Variants in ZNF880 observed in about 807,000 individuals in gnomAD.
ZNF880 encodes the protein zinc finger protein LOC400713.
In ZNF880, 12 loss-of-function variants were observed where a neutral mutation model predicts 11.8. That is an observed-to-expected ratio of 1.02 (90% CI 0.65 to 1.65). The LOEUF (loss-of-function observed/expected upper bound fraction) is 1.65. Among genes scored for constraint, ZNF880 ranks in the 40% most tolerant of loss-of-function variants. ZNF880 has a pLI of 0.00. For synonymous variants in ZNF880, 210 were observed against 232.4 expected (o/e 0.90, Z 0.88); for missense variants, 601 against 673.9 (o/e 0.89, Z 1.20).
chr19:52,368,508 G>T (rs1437817489), upstream of ZNF880, among the ~76,000 whole-genome samples: 1 of 151,902 alleles, frequency 6.6e-6, no homozygotes, highest in South Asian at 2.1e-4. Flanking sequence ...ATATAATGAG[G>T]CTCTGTGGGG....
intron 1 of ZNF880, among the ~76,000 whole-genome samples, chr19:52,371,641 G>T (rs1986375091): frequency 6.6e-6 from 1 of 152,094 alleles, no homozygotes; most frequent in South Asian, 2.1e-4. Context: ...CTCCCAAAGT[G>T]CTGGGATTGC....
chr19:52,389,971 C>CA (rs779341744), downstream of ZNF880: 11 of 152,366 alleles, frequency 7.2e-5, no homozygotes, highest in Admixed American at 7.2e-4. Context: ...TTACCCAGTT[C>CA]AAAATTTGCT....
At chr19:52,369,535 T>C (rs530169542), upstream of ZNF880, among the ~76,000 whole-genome samples, 38 of 151,998 alleles carry the variant, frequency 2.5e-4, no homozygotes, top group Admixed American at 2.2e-3. Flanking sequence ...TTCCAATTTG[T>C]TATTTATGAT....
At chr19:52,393,839 T>TG in the ZNF880 span, among the ~76,000 whole-genome samples, 1 of 133,954 alleles carries the variant, frequency 7.5e-6, no homozygotes, top group Non-Finnish European at 1.6e-5. Flanking sequence ...CCCCCCCTTT[T>TG]TTTTTTTTTT....
chr19:52,389,359 T>C (rs1986982149), downstream of ZNF880: 1 of 152,182 alleles, frequency 6.6e-6, no homozygotes, highest in African/African-American at 2.4e-5. Context: ...GCACAGGTAT[T>C]GGATAAATAA....
At chr19:52,377,962 AGGGATTTTTTATGGAG>A (rs1417616053) in intron 3 of ZNF880, among the ~76,000 whole-genome samples, 1 of 152,128 alleles carries the variant, frequency 6.6e-6, no homozygotes, top group Non-Finnish European at 1.5e-5. Context: ...CTTCTAGTTC[AGGGATTTTTTATGGAG>A]GCTTCATCAC....
chr19:52,383,517 A>G (rs938820890), intron 3 of ZNF880, among the ~76,000 whole-genome samples: 5 of 152,138 alleles, frequency 3.3e-5, no homozygotes, highest in Non-Finnish European at 7.3e-5. Flanking sequence ...TGGAAGTACT[A>G]TTACTAATGA....
intron 3 of ZNF880, chr19:52,379,923 G>C (rs1176067825): frequency 6.6e-6 from 1 of 151,862 alleles, no homozygotes; most frequent in African/African-American, 2.4e-5. Context: ...TTTCGAGACA[G>C]GGTTTCACTC....
chr19:52,395,986 C>T, the ZNF880 span, among the ~76,000 whole-genome samples: 1 of 152,148 alleles, frequency 6.6e-6, no homozygotes, highest in African/African-American at 2.4e-5. Flanking sequence ...GACGGAGTCT[C>T]GCTCTGTCTC....
At chr19:52,368,219 AATAAT>A (rs748900099), upstream of ZNF880, among the ~76,000 whole-genome samples, 2,319 of 10,080 alleles carry the variant, frequency 0.23, 76 homozygotes, top group African/African-American at 0.46. Context: ...AAAAAAAAAT[AATAAT>A]AATACTGTAA....
chr19:52,378,508 G>A (rs1396092945), intron 3 of ZNF880, among the ~76,000 whole-genome samples: 1 of 151,952 alleles, frequency 6.6e-6, no homozygotes, highest in Non-Finnish European at 1.5e-5. Context: ...TTAGCTGGGT[G>A]TGGTGGTGCA....
the ZNF880 span, chr19:52,392,710 A>C: frequency 4.4e-6 from 1 of 228,814 alleles, no homozygotes; most frequent in African/African-American, 2.3e-5. Flanking sequence ...CAAAGGAGAG[A>C]GCCCTGGACT....
intron 2 of ZNF880, among the ~76,000 whole-genome samples, chr19:52,374,078 T>G (rs892524903): frequency 6.6e-6 from 1 of 151,768 alleles, no homozygotes; most frequent in Non-Finnish European, 1.5e-5. Flanking sequence ...TTATTATTAT[T>G]TTTTTGAGAC....
rs1346187722 is a variant in ZNF880 at position 52,385,646 on chromosome 19, T to C, written c.*332T>C. ...GATAATTCAGTCTCTAGTTCTCCAA[T>C]ATTTATGATACTGCATGCTGCAGAA... On this transcript the variant is annotated 3_prime_UTR_variant, in exon 4 of 4. Transcript: ENST00000422689. 1 of 239,668 alleles carries C rather than the reference T, an allele frequency of 4.2e-6. No homozygotes were observed. Among genetic ancestry groups the C allele is most frequent in the East Asian group, 8.9e-5 (1 of 11,224 alleles). The allele number at this position is 239,668 out of a possible 1,614,324, so 14.8% of individuals were successfully genotyped here. A position where few individuals can be genotyped will look rare whatever the true frequency, so the allele number is the denominator to read the frequency against.
chr19:52,373,288 C>T (rs371745299), intron 2 of ZNF880, 51 bp downstream of exon 2: 7 of 1,564,860 alleles, frequency 4.5e-6, no homozygotes, highest in African/African-American at 4.1e-5. Flanking sequence ...TGTATTTTTG[C>T]ATTTTGTCGT....
At chr19:52,379,478 C>T in intron 3 of ZNF880, 1 of 449,788 alleles carries the variant, frequency 2.2e-6, no homozygotes, top group Non-Finnish European at 4.5e-6. Flanking sequence ...TCACTGCAAC[C>T]TTCGCTTCCT....
At chr19:52,370,972 CTCTT>C (rs1168616266) in intron 1 of ZNF880, among the ~76,000 whole-genome samples, 4 of 152,152 alleles carry the variant, frequency 2.6e-5, no homozygotes, top group African/African-American at 9.7e-5. Context: ...TGACAGACAA[CTCTT>C]TCAGTTGTCA....
intron 3 of ZNF880, chr19:52,374,698 TAA>T: frequency 1.6e-6 from 1 of 616,102 alleles, no homozygotes; most frequent in Non-Finnish European, 2.9e-6. Flanking sequence ...TTTGGGAAAA[TAA>T]AAGTTTAAAT....
At chr19:52,392,776 G>T in the ZNF880 span, 2 of 224,742 alleles carry the variant, frequency 8.9e-6, no homozygotes, top group Non-Finnish European at 2.1e-5. Flanking sequence ...ATGGATCAAA[G>T]GTGTGAACAC....
Sources: gnomAD v4.1 joint callset for allele counts (sites outside exome capture counted in the v4.1 genomes callset) on GRCh38, gnomAD v4.1.1 for gene constraint, MANE v1.5 for transcripts, NCBI Gene and HGNC (gene_info 2026-07-23, HGNC 2026-07-21) for gene names.